The following RIT2 variants were observed in gnomAD, a reference collection of about 807,000 sequenced individuals.
RIT2 encodes Ras like without CAAX 2.
A neutral mutation model predicts 23.7 loss-of-function variants in RIT2; 24 were observed. That is an observed-to-expected ratio of 1.01 (90% CI 0.73 to 1.43). The LOEUF (loss-of-function observed/expected upper bound fraction) is 1.43. Ranked by LOEUF, RIT2 falls within the 40% of genes most tolerant of loss-of-function variation. The pLI, the probability that RIT2 is intolerant of heterozygous loss-of-function variation, is 0.00. For missense variants in RIT2, 236 were observed against 266.9 expected, an observed-to-expected ratio of 0.88 and a Z score of 0.81; for synonymous variants, 107 against 91.1, an observed-to-expected ratio of 1.17 and a Z score of -0.99.
In RIT2 at chr18:42,995,077, T is replaced by G. The variant is rs530463585; in HGVS notation, c.161-20930A>C. ...CCTTCTTTCCTGTTCCTCACCCTGA[T>G]CACACTTAGTTTATTGATGGCAGTT... On this transcript the variant is annotated intron_variant, in intron 2 of 4. Coordinates refer to ENST00000326695, the MANE Select transcript of RIT2 (RefSeq NM_002930.4). Among the ~76,000 whole-genome samples the G allele has an allele frequency of 9.9e-5, 15 of 152,238 alleles. No homozygotes were observed. The South Asian group carries it at 1.5e-3, about 15-fold the overall frequency.
At chr18:42,938,306 A>G (rs1156735975) in intron 3 of RIT2, among the ~76,000 whole-genome samples, 1 of 152,226 alleles carries the variant, frequency 6.6e-6, no homozygotes, top group Non-Finnish European at 1.5e-5. Context: ...ATGCCAGTCC[A>G]GGAGATATCT....
intron 2 of RIT2, among the ~76,000 whole-genome samples, chr18:42,985,248 A>G (rs1910683784): frequency 6.6e-6 from 1 of 152,152 alleles, no homozygotes; most frequent in South Asian, 2.1e-4. Context: ...TTAGAAAGCT[A>G]TGAGATGTTA....
At chr18:43,086,802 T>G (rs1913293174) in intron 1 of RIT2, among the ~76,000 whole-genome samples, 1 of 152,154 alleles carries the variant, frequency 6.6e-6, no homozygotes, top group South Asian at 2.1e-4. Context: ...GAGAAGGAAG[T>G]GGGCAAATGC....
At position 42,923,683 on chromosome 18, in the gene RIT2, T is replaced by C. The variant is rs926083050; in HGVS notation, c.315A>G (p.Gln105=). 10 of 1,613,242 alleles carry C rather than the reference T, an allele frequency of 6.2e-6. No homozygotes were observed. The highest frequency in any genetic ancestry group is 4.0e-5 in the African/African-American group (3 of 74,770). ...FIICYSVTDR[Q]SFQEAAKFKE... Reference sequence around the variant, plus strand: ...TAAACTTGGCAGCCTCCTGAAATGATTGACGGTCAGTGACGGAGTAGCAGA... The same window carrying C: ...TAAACTTGGCAGCCTCCTGAAATGACTGACGGTCAGTGACGGAGTAGCAGA... Residue 105 remains glutamine, a synonymous_variant, in exon 4 of 5, where the codon CAA becomes CAG. Transcript: ENST00000326695.
At chr18:43,113,831 C>T (rs1423253006) in intron 1 of RIT2, among the ~76,000 whole-genome samples, 1 of 152,150 alleles carries the variant, frequency 6.6e-6, no homozygotes, top group Non-Finnish European at 1.5e-5. Flanking sequence ...TCAGCATCTC[C>T]CTGACCTCAC....
intron 3 of RIT2, among the ~76,000 whole-genome samples, chr18:42,958,086 G>A (rs1910014881): frequency 6.6e-6 from 1 of 152,140 alleles, no homozygotes; most frequent in Non-Finnish European, 1.5e-5. Flanking sequence ...AGAACAGAGT[G>A]AGGTATCACA....
At chr18:42,786,530 G>A (rs1317396892) in intron 4 of RIT2, among the ~76,000 whole-genome samples, 2 of 152,062 alleles carry the variant, frequency 1.3e-5, no homozygotes, top group Non-Finnish European at 2.9e-5. Context: ...AAATACAAAT[G>A]TATACTTACT....
intron 4 of RIT2, among the ~76,000 whole-genome samples, chr18:42,788,254 A>C (rs1340169453): frequency 6.6e-6 from 1 of 152,196 alleles, no homozygotes; most frequent in Non-Finnish European, 1.5e-5. Flanking sequence ...TAGTTAAAAT[A>C]TACGGAGAAA....
chr18:42,832,324 A>C (rs767723117), intron 4 of RIT2, among the ~76,000 whole-genome samples: 5 of 152,238 alleles, frequency 3.3e-5, no homozygotes, highest in Non-Finnish European at 7.3e-5. Context: ...TATGTGATTA[A>C]TTTCCAAATA....
At chr18:42,762,694 G>C (rs985312036) in intron 4 of RIT2, among the ~76,000 whole-genome samples, 1 of 152,086 alleles carries the variant, frequency 6.6e-6, no homozygotes. Flanking sequence ...TGTCATATTA[G>C]AATTTCTGCT....
At chr18:42,932,587 C>T (rs1399482429) in intron 3 of RIT2, among the ~76,000 whole-genome samples, 1 of 152,158 alleles carries the variant, frequency 6.6e-6, no homozygotes, top group Non-Finnish European at 1.5e-5. Flanking sequence ...TCTCTCTTAC[C>T]ATTGTGCCTT....
At chr18:42,807,791 ATGTGTG>A (rs10551770) in intron 4 of RIT2, among the ~76,000 whole-genome samples, 4,407 of 147,564 alleles carry the variant, frequency 0.03, 108 homozygotes, top group East Asian at 0.072. Context: ...CACAAAGTGA[ATGTGTG>A]TGTGTGTGTG....
chr18:43,102,522 A>G (rs1440199122), intron 1 of RIT2, among the ~76,000 whole-genome samples: 1 of 151,166 alleles, frequency 6.6e-6, no homozygotes, highest in Non-Finnish European at 1.5e-5. Context: ...TCGGAAATAA[A>G]ACATGAGCTA....
At chr18:43,029,742 T>C (rs969453706) in intron 2 of RIT2, among the ~76,000 whole-genome samples, 3 of 151,888 alleles carry the variant, frequency 2.0e-5, no homozygotes, top group African/African-American at 7.2e-5. Context: ...GGAAATAATA[T>C]TGAATAAAGA....
At chr18:43,109,494 C>G (rs1913904041) in intron 1 of RIT2, among the ~76,000 whole-genome samples, 1 of 152,078 alleles carries the variant, frequency 6.6e-6, no homozygotes, top group African/African-American at 2.4e-5. Flanking sequence ...TGTTTATGTT[C>G]AATTCTTTCC....
chr18:42,916,094 C>T (rs1298750030), intron 4 of RIT2, among the ~76,000 whole-genome samples: 1 of 152,038 alleles, frequency 6.6e-6, no homozygotes, highest in Non-Finnish European at 1.5e-5. Flanking sequence ...GCATACTATA[C>T]TCTAGAATCA....
At chr18:42,983,824 C>A (rs1489367367) in intron 2 of RIT2, among the ~76,000 whole-genome samples, 1 of 151,958 alleles carries the variant, frequency 6.6e-6, no homozygotes, top group Non-Finnish European at 1.5e-5. Context: ...ACATACCTAA[C>A]AGAATGGCTA....
At chr18:42,745,119 C>G (rs1912887800) in intron 4 of RIT2, among the ~76,000 whole-genome samples, 1 of 152,090 alleles carries the variant, frequency 6.6e-6, no homozygotes, top group African/African-American at 2.4e-5. Flanking sequence ...TAAATTAGCA[C>G]AGTGGATTCT....
At chr18:43,072,470 A>G (rs2144336943) in intron 1 of RIT2, among the ~76,000 whole-genome samples, 1 of 152,342 alleles carries the variant, frequency 6.6e-6, no homozygotes, top group Admixed American at 6.5e-5. Context: ...TGCAAAAAGA[A>G]AACAGGACAT....
Sources: gnomAD v4.1 joint callset for allele counts (sites outside exome capture counted in the v4.1 genomes callset) on GRCh38, gnomAD v4.1.1 for gene constraint, MANE v1.5 for transcripts, NCBI Gene and HGNC (gene_info 2026-07-23, HGNC 2026-07-21) for gene names.